The following HPS5 variants were observed in gnomAD, a reference collection of about 807,000 sequenced individuals.
The protein encoded by HPS5 is BLOC-2 complex member HPS5.
Under a neutral mutation model 128.0 loss-of-function variants are expected in HPS5, and 83 were observed. That is an observed-to-expected ratio of 0.65 (90% confidence interval 0.54 to 0.78). HPS5 has a LOEUF of 0.78. HPS5 is among the 30% of genes least tolerant of loss of function. The pLI, the probability that HPS5 is intolerant of heterozygous loss-of-function variation, is 0.00. For synonymous variants in HPS5, 475 were observed against 470.2 expected, an observed-to-expected ratio of 1.01 and a Z score of -0.13; for missense variants, 1,281 against 1,326.2, an observed-to-expected ratio of 0.97 and a Z score of 0.53.
At chr11:18,299,914 T>C (rs1861500110) in intron 9 of HPS5, among the ~76,000 whole-genome samples, 1 of 152,118 alleles carries the variant, frequency 6.6e-6, no homozygotes. Context: ...ATGCAGAAGC[T>C]AGAAAAATGT....
At chr11:18,286,844 A>C in intron 18 of HPS5, 134 bp from the exon 19 acceptor site, 1 of 1,202,060 alleles carries the variant, frequency 8.3e-7, no homozygotes, top group African/African-American at 1.5e-5. Context: ...CTTCTGCTAC[A>C]AAATGTCTAG....
At chr11:18,310,431 T>C (rs781442154) in intron 5 of HPS5, among the ~76,000 whole-genome samples, 3 of 150,456 alleles carry the variant, frequency 2.0e-5, no homozygotes, top group Non-Finnish European at 4.4e-5. Context: ...TAAATAGATA[T>C]CTTTTCTTTC....
rs1045129024 is a variant in HPS5 at position 18,279,708 on chromosome 11, T to C, written c.*174A>G. The stretch of plus-strand genomic sequence containing the variant: ...GGTTAAGAAACACTGAGGTCATGGA[T>C]AAAGAGTCACAGATGCCGATGCCAA... On this transcript the variant is annotated 3_prime_UTR_variant, in exon 23 of 23. Coordinates refer to ENST00000349215, the MANE Select transcript of HPS5 (RefSeq NM_181507.2). The C allele has an allele frequency of 7.6e-6, 5 of 659,738 alleles. No individual in the cohort carries two copies. The allele number at this position is 659,738 out of a possible 1,614,324, so 40.9% of individuals were successfully genotyped here. A position where few individuals can be genotyped will look rare whatever the true frequency, so the allele number is the denominator to read the frequency against.
intron 2 of HPS5, among the ~76,000 whole-genome samples, chr11:18,315,974 C>G (rs1863577194): frequency 6.6e-6 from 1 of 152,152 alleles, no homozygotes; most frequent in Non-Finnish European, 1.5e-5. Context: ...AGGGTACACA[C>G]AGCCAGGCAT....
chr11:18,305,470 G>C lies in HPS5; in HGVS notation c.848C>G (p.Thr283Arg). 6.2e-7 allele frequency: 1 copy of C among 1,609,518 alleles called. No homozygotes were observed. ...TLRSEPQYDH[T>R]AGSSQSLSFP... ...AGACAAAGACTGGGAGGATCCAGCTGTATGATCATACTGAGGTTCTGATCT... is the reference window on the plus strand; with the variant it reads ...AGACAAAGACTGGGAGGATCCAGCTCTATGATCATACTGAGGTTCTGATCT... The change falls in exon 8 of 23, where the codon ACA (threonine) becomes AGA (arginine). Residue 283 changes from threonine to arginine, a missense_variant. Coordinates refer to ENST00000349215, the MANE Select transcript of HPS5 (RefSeq NM_181507.2).
At chr11:18,281,760 T>C (rs1270119870) in intron 22 of HPS5, among the ~76,000 whole-genome samples, 190 bp downstream of exon 22, 1 of 152,176 alleles carries the variant, frequency 6.6e-6, no homozygotes, top group Non-Finnish European at 1.5e-5. Flanking sequence ...CAGGTTAATC[T>C]GAACAGCATC....
At chr11:18,310,986 T>C (rs1201252186) in intron 4 of HPS5, 53 bp from the exon 5 acceptor site, 4 of 1,338,092 alleles carry the variant, frequency 3.0e-6, no homozygotes, top group Middle Eastern at 1.8e-4. Context: ...CAAGGTACAA[T>C]TTTGTTGCAT....
chr11:18,311,475 T>A, intron 3 of HPS5, 24 bp from the exon 4 acceptor site: 4 of 1,440,126 alleles, frequency 2.8e-6, no homozygotes, highest in Admixed American at 1.9e-5. Flanking sequence ...GAAAATACAT[T>A]TTTTAAATCT....
intron 10 of HPS5, among the ~76,000 whole-genome samples, chr11:18,298,489 T>C (rs940024139): frequency 5.3e-5 from 8 of 152,132 alleles, no homozygotes; most frequent in African/African-American, 1.7e-4. Context: ...AGCGAGACTG[T>C]CTCAAAATAA....
chr11:18,287,284 G>C (rs888917248), intron 18 of HPS5, among the ~76,000 whole-genome samples: 2 of 152,194 alleles, frequency 1.3e-5, no homozygotes, highest in African/African-American at 4.8e-5. Context: ...TTCAGGCCCT[G>C]AATCAAGGGA....
At chr11:18,287,734 A>G in intron 17 of HPS5, 44 bp from the exon 18 acceptor site, 1 of 1,609,394 alleles carries the variant, frequency 6.2e-7, no homozygotes, top group Non-Finnish European at 8.5e-7. Flanking sequence ...TTTCAGTGAA[A>G]TTATATAACT....
rs1860462807 is a variant in HPS5 at position 18,291,980 on chromosome 11, C to T, written c.1902G>A (p.Glu634=). ...LQDPLVLFES[E]SLRMVLQEWL... ...ACTCCTGTAAAACCATTCTCAGAGACTCGGATTCAAATAAAACCAGAGGGT... is the reference window on the plus strand; with the variant it reads ...ACTCCTGTAAAACCATTCTCAGAGATTCGGATTCAAATAAAACCAGAGGGT... Residue 634 remains glutamate (E), a synonymous_variant, in exon 16 of 23, where the codon GAG becomes GAA. Coordinates refer to ENST00000349215, the MANE Select transcript of HPS5 (RefSeq NM_181507.2). 6.2e-7 allele frequency: 1 copy of T among 1,613,586 alleles called. No homozygotes were observed. The highest frequency in any genetic ancestry group is 1.3e-5 in the African/African-American group (1 of 74,872).
Position 18,306,079 on chromosome 11 carries a change from C to T in HPS5, c.824+56G>A, listed in dbSNP as rs751564892. 3.3e-4 allele frequency: 403 copies of T among 1,227,158 alleles called. 2 individuals are homozygous for T. The highest frequency in any genetic ancestry group is 4.3e-4 in the Non-Finnish European group (358 of 828,146). The allele number at this position is 1,227,158 out of a possible 1,614,324, so 76.0% of individuals were successfully genotyped here. On this transcript the variant is annotated intron_variant, in intron 7 of 22. Coordinates refer to ENST00000349215, the MANE Select transcript of HPS5 (RefSeq NM_181507.2). Reference sequence around the variant, plus strand: ...CAGATAGAATATCAGAGATTTTCACCGAACCTCTATATAGAAGCTCTTCAA... The same window carrying T: ...CAGATAGAATATCAGAGATTTTCACTGAACCTCTATATAGAAGCTCTTCAA...
At chr11:18,302,249 A>T (rs1861789755) in intron 8 of HPS5, among the ~76,000 whole-genome samples, 1 of 152,118 alleles carries the variant, frequency 6.6e-6, no homozygotes, top group Admixed American at 6.5e-5. Context: ...TTTATCTCAT[A>T]TATTTCATTT....
intron 19 of HPS5, 113 bp downstream of exon 19, chr11:18,286,478 G>C (rs1859739165): frequency 9.4e-7 from 1 of 1,064,880 alleles, no homozygotes; most frequent in African/African-American, 1.6e-5. Flanking sequence ...GGAGGTCAAG[G>C]CTGCAGGAAG....
chr11:18,317,917 AT>A lies in HPS5; in HGVS notation c.-49-11del, dbSNP rs1863840500. On this transcript the variant is annotated splice_polypyrimidine_tract_variant and intron_variant, in intron 1 of 22. Transcript: ENST00000349215. ...ATACAGTATTCCTCACCTGAATAAAATCCACAAAAATATAATTTAAGAAGCC... is the reference window on the plus strand; with the variant it reads ...ATACAGTATTCCTCACCTGAATAAAACCACAAAAATATAATTTAAGAAGCC... 16 of 1,560,368 alleles carry A rather than the reference AT, an allele frequency of 1.0e-5. No homozygotes were observed. The highest frequency in any genetic ancestry group is 9.6e-6 in the Non-Finnish European group (11 of 1,144,124).
At chr11:18,286,782 G>A in intron 18 of HPS5, 72 bp from the exon 19 acceptor site, 3 of 1,589,346 alleles carry the variant, frequency 1.9e-6, no homozygotes, top group Non-Finnish European at 2.6e-6. Context: ...TGGGGAGTGT[G>A]AAGAAAACCT....
chr11:18,317,272 T>G (rs992582908), intron 2 of HPS5, among the ~76,000 whole-genome samples: 2 of 151,670 alleles, frequency 1.3e-5, no homozygotes, highest in Admixed American at 6.6e-5. Context: ...TTTTTTTTTT[T>G]TTTGAGAGAG....
At chr11:18,317,290 C>G (rs1439953101) in intron 2 of HPS5, among the ~76,000 whole-genome samples, 2 of 143,262 alleles carry the variant, frequency 1.4e-5, no homozygotes, top group African/African-American at 5.2e-5. Context: ...GAGTCTTACT[C>G]TGTTGCCCAG....
Sources: gnomAD v4.1 joint callset for allele counts (sites outside exome capture counted in the v4.1 genomes callset) on GRCh38, gnomAD v4.1.1 for gene constraint, MANE v1.5 for transcripts, NCBI Gene and HGNC (gene_info 2026-07-23, HGNC 2026-07-21) for gene names.